The following YTHDC2 variants were observed in gnomAD, a reference collection of about 807,000 sequenced individuals.
YTHDC2 encodes the protein YTH N6-methyladenosine RNA binding protein C2, also known as 3'-5' RNA helicase YTHDC2.
A neutral mutation model predicts 174.9 loss-of-function variants in YTHDC2; 45 were observed. The observed-to-expected ratio is 0.26, with a 90% CI of 0.20 to 0.33. The LOEUF (loss-of-function observed/expected upper bound fraction) is 0.33. Among genes scored for constraint, YTHDC2 ranks in the 10% least tolerant of loss-of-function variants. The pLI is 1.00. For missense variants in YTHDC2, 1,650 were observed against 1,723.7 expected (o/e 0.96, Z 0.76); for synonymous variants, 657 against 574.5 (o/e 1.14, Z -2.05).
intron 23 of YTHDC2, among the ~76,000 whole-genome samples, chr5:113,577,333 G>C (rs945974465): frequency 6.6e-6 from 1 of 151,564 alleles, no homozygotes; most frequent in African/African-American, 2.4e-5. Context: ...TCATCTTCTT[G>C]TAATCCTTTT....
chr5:113,530,335 T>A (rs773513922), intron 4 of YTHDC2, among the ~76,000 whole-genome samples: 7 of 152,176 alleles, frequency 4.6e-5, no homozygotes, highest in Non-Finnish European at 1.0e-4. Context: ...AAAATTTTTC[T>A]TATGTATCTT....
Position 113,584,404 on chromosome 5 carries a change from G to T in YTHDC2, c.3750G>T (p.Gln1250His), listed in dbSNP as rs753763742. The change falls in exon 26 of 30, where the codon CAG becomes CAT. Residue 1250 changes from glutamine (Q) to histidine (H), a missense_variant. Gln to His is a conservative substitution (Grantham distance 24). This residue lies in a region of YTHDC2 where 913 missense variants were observed against 940.4 expected (regional missense o/e 0.97). Coordinates refer to ENST00000161863, the MANE Select transcript of YTHDC2 (RefSeq NM_022828.5). ...GAGGTACTGAGGACCGATCAGATCA[G>T]TCTTCTCTGAAATCTACAGACAGCA... The part of the protein sequence containing the change: ...PKRGTEDRSD[Q>H]SSLKSTDSSS... 1 of 1,613,928 alleles carries T rather than the reference G, an allele frequency of 6.2e-7. No homozygotes were observed. The highest frequency in any genetic ancestry group is 1.7e-5 in the Admixed American group (1 of 60,010).
intron 2 of YTHDC2, among the ~76,000 whole-genome samples, chr5:113,523,212 A>C (rs1164369079): frequency 2.0e-5 from 3 of 152,194 alleles, no homozygotes; most frequent in Non-Finnish European, 4.4e-5. Flanking sequence ...TTCTGAGATG[A>C]TTTTTAAGAA....
Position 113,561,200 on chromosome 5 carries a change from A to G in YTHDC2, c.2322+15A>G. 2 of 1,604,882 alleles carry G rather than the reference A, an allele frequency of 1.2e-6. No homozygotes were observed. The highest frequency in any genetic ancestry group is 2.2e-5 in the South Asian group (2 of 89,562). ...TGCCATTACAGGTAAAAATTTATTT[A>G]AATATAAAAGGCATTTTTTTGGGTG... On this transcript the variant is annotated intron_variant, in intron 18 of 29. Coordinates refer to ENST00000161863, the MANE Select transcript of YTHDC2 (RefSeq NM_022828.5).
intron 10 of YTHDC2, among the ~76,000 whole-genome samples, chr5:113,546,110 C>A (rs1008895399): frequency 6.6e-6 from 1 of 151,932 alleles, no homozygotes; most frequent in African/African-American, 2.4e-5. Flanking sequence ...AGTTTTCTTG[C>A]GTTCTTTCTT....
intron 23 of YTHDC2, among the ~76,000 whole-genome samples, chr5:113,572,228 C>T (rs368809420): frequency 7.4e-4 from 113 of 152,118 alleles, no homozygotes; most frequent in African/African-American, 2.6e-3. Context: ...TGTTATTTAC[C>T]CAAGAGTCAT....
intron 23 of YTHDC2, among the ~76,000 whole-genome samples, chr5:113,568,083 G>A (rs924481020): frequency 9.9e-5 from 15 of 151,920 alleles, no homozygotes; most frequent in African/African-American, 3.4e-4. Context: ...TTGCTGTTGG[G>A]AAGAAATTTT....
chr5:113,560,133 G>A (rs1776862473), intron 17 of YTHDC2, among the ~76,000 whole-genome samples: 1 of 152,036 alleles, frequency 6.6e-6, no homozygotes, highest in Admixed American at 6.5e-5. Context: ...AGTTTTTGTG[G>A]GAAATCATTA....
At chr5:113,540,207 A>G (rs182336462) in intron 8 of YTHDC2, among the ~76,000 whole-genome samples, 4 of 152,222 alleles carry the variant, frequency 2.6e-5, no homozygotes, top group Non-Finnish European at 4.4e-5. Flanking sequence ...GATGAAAATT[A>G]TATATAATTG....
At position 113,592,070 on chromosome 5, in the gene YTHDC2, A is replaced by C. The variant is rs774886334; in HGVS notation, c.4104A>C (p.Val1368=). The stretch of plus-strand genomic sequence containing the variant: ...GGGGCTCTGCTGGACTAGGAGGAGT[A>C]TTTAAGGTGGAGTGGATACGAAAAG... ...QDWGSAGLGG[V]FKVEWIRKES... is the part of the protein sequence containing the mutation. The change falls in exon 28 of 30, where the codon GTA becomes GTC. Residue 1368 remains valine, a synonymous_variant. Coordinates refer to ENST00000161863, the MANE Select transcript of YTHDC2 (RefSeq NM_022828.5). The C allele has an allele frequency of 1.1e-5, 18 of 1,613,102 alleles. No homozygotes were observed. The highest frequency in any genetic ancestry group is 1.5e-5 in the Non-Finnish European group (18 of 1,179,486).
Position 113,539,161 on chromosome 5 carries a change from A to G in YTHDC2, c.1190A>G (p.Tyr397Cys). The G allele has an allele frequency of 7.2e-7, 1 of 1,382,444 alleles. No homozygotes were observed. The highest frequency in any genetic ancestry group is 9.8e-7 in the Non-Finnish European group (1 of 1,024,530). 85.6% of individuals were successfully genotyped at this position (1,382,444 alleles called of 1,614,324 possible). The change falls in exon 8 of 30, where the codon TAT becomes TGT. Residue 397 changes from tyrosine to cysteine, a missense_variant. Around this residue, in one of 5 missense-constraint regions of YTHDC2, gnomAD observed 411 missense variants for 380.6 expected, o/e 1.08. Transcript: ENST00000161863. ...TGYTNKEMLK[Y>C]KKEKQQEEKQ... Reference sequence around the variant, plus strand: ...TATACAAACAAAGAAATGTTAAAATATAAAAAGGAAAAACAGCAAGGTAAA... The same window carrying G: ...TATACAAACAAAGAAATGTTAAAATGTAAAAAGGAAAAACAGCAAGGTAAA...
chr5:113,514,033 G>A lies in YTHDC2; in HGVS notation c.138G>A (p.Lys46=), dbSNP rs776811674. ...ACATTCGCATTGATGAGGAGGTGAAGATCGCAGTCAATATCGCGCTGGAGC... is the reference window on the plus strand; with the variant it reads ...ACATTCGCATTGATGAGGAGGTGAAAATCGCAGTCAATATCGCGCTGGAGC... ...LKDIRIDEEV[K]IAVNIALERF... The change falls in exon 1 of 30, where the codon AAG becomes AAA. Residue 46 remains lysine (K), a synonymous_variant. Coordinates refer to ENST00000161863, the MANE Select transcript of YTHDC2 (RefSeq NM_022828.5). The A allele has an allele frequency of 6.2e-7, 1 of 1,612,084 alleles. No individual in the cohort carries two copies. Among genetic ancestry groups the A allele is most frequent in the South Asian group, 1.1e-5 (1 of 90,614 alleles).
chr5:113,561,474 T>TATATA (rs1554098924), intron 18 of YTHDC2, among the ~76,000 whole-genome samples: 23 of 76,816 alleles, frequency 3.0e-4, no homozygotes, highest in African/African-American at 2.1e-3. Flanking sequence ...TCTATCTATA[T>TATATA]TTTTTTTTTT....
At chr5:113,523,309 T>C (rs914324058) in intron 2 of YTHDC2, among the ~76,000 whole-genome samples, 2 of 152,176 alleles carry the variant, frequency 1.3e-5, no homozygotes, top group African/African-American at 4.8e-5. Context: ...GATTTGCCGT[T>C]GATCATGTAA....
At position 113,567,239 on chromosome 5, in the gene YTHDC2, A is replaced by G. The variant is rs1328804922; in HGVS notation, c.2990A>G (p.Lys997Arg). Residue 997 changes from lysine to arginine, a missense_variant, in exon 22 of 30, where the codon AAG becomes AGG. By Grantham distance (26) the Lys-to-Arg change is conservative. Transcript: ENST00000161863. ...DRENLVLTGP[K>R]EKKVRFHPAS... ...GAGAATCTAGTGTTGACAGGGCCAA[A>G]GGAGAAAAAAGTACGATTTCATCCT... 1 of 1,613,528 alleles carries G rather than the reference A, an allele frequency of 6.2e-7. No individual in the cohort carries two copies. Among genetic ancestry groups the G allele is most frequent in the Admixed American group, 1.7e-5 (1 of 59,840 alleles).
At chr5:113,526,282 G>A (rs76422592) in intron 3 of YTHDC2, among the ~76,000 whole-genome samples, 1,918 of 151,940 alleles carry the variant, frequency 0.013, 17 homozygotes, top group Non-Finnish European at 0.019. Flanking sequence ...AATGGTTATT[G>A]AATGATTTAT....
In YTHDC2 at chr5:113,526,732, G is replaced by A. The variant is rs749580552; in HGVS notation, c.622G>A (p.Glu208Lys). ...GGAAGAAATTGTTAAAATAATTAAG[G>A]AAAATAAAGTAGTTTTGATTGTAGG... Reference protein sequence around the residue: ...KQEEIVKIIKENKVVLIVGET... With the variant: ...KQEEIVKIIKKNKVVLIVGET... Residue 208 changes from glutamate to lysine, a missense_variant, in exon 4 of 30, where the codon GAA becomes AAA. This residue lies in a region of YTHDC2 where 304 missense variants were observed against 341.4 expected (regional missense o/e 0.89). Transcript: ENST00000161863. 1.1e-5 allele frequency: 17 copies of A among 1,566,908 alleles called. No individual in the cohort carries two copies. The South Asian group carries it at 2.0e-4, about 18-fold the overall frequency.
intron 3 of YTHDC2, among the ~76,000 whole-genome samples, chr5:113,526,114 C>CT (rs1225338291): frequency 1.3e-5 from 2 of 151,500 alleles, no homozygotes; most frequent in East Asian, 3.9e-4. Context: ...GGGATATTTT[C>CT]TTTTTTTTGT....
rs6886628 is a variant in YTHDC2 at position 113,564,005 on chromosome 5, A to T, written c.2589A>T (p.Thr863=). ...CLDPILTIAC[T]LAYRDPFVLP... is the part of the protein sequence containing the mutation. ...ACCCCATCCTTACAATTGCTTGCAC[A>T]CTAGCTTATCGAGATCCTTTTGTAC... The change falls in exon 20 of 30, where the codon ACA becomes ACT. Residue 863 remains threonine (T), a synonymous_variant. Transcript: ENST00000161863. 6.2e-7 allele frequency: 1 copy of T among 1,613,818 alleles called. No individual in the cohort carries two copies. The highest frequency in any genetic ancestry group is 8.5e-7 in the Non-Finnish European group (1 of 1,179,970).
Sources: gnomAD v4.1 joint callset for allele counts (sites outside exome capture counted in the v4.1 genomes callset) on GRCh38, gnomAD v4.1.1 for gene constraint, gnomAD v4.1.1 regional missense constraint, MANE v1.5 for transcripts, NCBI Gene and HGNC (gene_info 2026-07-23, HGNC 2026-07-21) for gene names.